RAMP1: variants seen among roughly 807,000 people sequenced by gnomAD.
RAMP1 encodes the protein receptor activity-modifying protein 1.
A neutral mutation model predicts 8.2 loss-of-function variants in RAMP1; 7 were observed. The ratio of observed to expected loss-of-function variants is 0.85; its 90% CI spans 0.49 to 1.60. RAMP1 has a LOEUF of 1.60. Ranked by LOEUF, RAMP1 falls within the 40% of genes most tolerant of loss-of-function variation. The pLI is 0.00. For missense variants in RAMP1, 192 were observed against 202.4 expected, an observed-to-expected ratio of 0.95 and a Z score of 0.31; for synonymous variants, 92 against 84.7, an observed-to-expected ratio of 1.09 and a Z score of -0.47.
rs566130488 is a variant in RAMP1 at position 237,907,017 on chromosome 2, C to G, written c.192-4511C>G. On this transcript the variant is annotated intron_variant, in intron 2 of 2. Coordinates refer to ENST00000254661, the MANE Select transcript of RAMP1 (RefSeq NM_005855.4). ...GAATCACAGGTGTGAGCCAATGTGC[C>G]CAGCCTCAACCTCATTTTCAAAAGG... is the stretch of plus-strand genomic sequence containing the variant. Among the ~76,000 whole-genome samples the G allele has an allele frequency of 9.2e-5, 14 of 152,246 alleles. No homozygotes were observed. In the South Asian group the frequency reaches 2.5e-3, roughly 27 times the overall value.
rs555254768 is a variant in RAMP1 at position 237,875,683 on chromosome 2, C to G, written c.53-1541C>G. 8.6e-4 allele frequency among the ~76,000 whole-genome samples: 131 copies of G among 152,314 alleles called. No homozygotes were observed. The East Asian group carries it at 0.021, about 25-fold the overall frequency. On this transcript the variant is annotated intron_variant, in intron 1 of 2. Coordinates refer to ENST00000254661, the MANE Select transcript of RAMP1 (RefSeq NM_005855.4). ...CTGGCTCTTTGGGACCCACTCATGG[C>G]CTCAGCCCCGTGCAGGGCTCAGCCT...
intron 1 of RAMP1, among the ~76,000 whole-genome samples, chr2:237,869,302 A>G (rs567557182): frequency 6.6e-6 from 1 of 152,320 alleles, no homozygotes; most frequent in South Asian, 2.1e-4. Flanking sequence ...CATAAAATGT[A>G]CCATCTTACC....
chr2:237,872,204 C>T (rs1345784450), intron 1 of RAMP1, among the ~76,000 whole-genome samples: 2 of 152,198 alleles, frequency 1.3e-5, no homozygotes, highest in Non-Finnish European at 2.9e-5. Context: ...GGGCCTGGCA[C>T]GGGGAGGAGA....
chr2:237,871,122 G>A (rs942366362), intron 1 of RAMP1, among the ~76,000 whole-genome samples: 9 of 152,148 alleles, frequency 5.9e-5, no homozygotes, highest in African/African-American at 9.7e-5. Flanking sequence ...TCTCGCAACC[G>A]CCCCTGCACT....
rs1436164584 is a variant in RAMP1 at position 237,865,539 on chromosome 2, T to A, written c.52+5812T>A. Among the ~76,000 whole-genome samples, 1 of 152,162 alleles carries A rather than the reference T, an allele frequency of 6.6e-6. No homozygotes were observed. The highest frequency in any genetic ancestry group is 1.5e-5 in the Non-Finnish European group (1 of 68,020). On this transcript the variant is annotated intron_variant, in intron 1 of 2. Coordinates refer to ENST00000254661, the MANE Select transcript of RAMP1 (RefSeq NM_005855.4). This position sits in a 1 kb window ranked among gnomAD's most constrained non-coding sequence, Gnocchi z 4.2. ...GATGCAGATTTCGCAGGGCCTCCTG[T>A]CATTTGCTGCACCTGGCAGCCCCGT...
At chr2:237,909,944 C>A (rs2062693024) in intron 2 of RAMP1, among the ~76,000 whole-genome samples, 1 of 152,118 alleles carries the variant, frequency 6.6e-6, no homozygotes, top group Admixed American at 6.5e-5. Context: ...GGCTTCTCTC[C>A]AAGCCAAGCC....
intron 1 of RAMP1, among the ~76,000 whole-genome samples, chr2:237,870,410 G>A (rs372514567): frequency 6.6e-6 from 1 of 152,232 alleles, no homozygotes. Context: ...CATGCGGCGC[G>A]CTGGTGCTGC....
intron 1 of RAMP1, among the ~76,000 whole-genome samples, chr2:237,873,366 G>A (rs529671999): frequency 5.9e-5 from 9 of 152,326 alleles, no homozygotes; most frequent in African/African-American, 2.2e-4. Context: ...TGTCTCCTTA[G>A]AAAGCCCAAA....
At chr2:237,889,482 C>T (rs2062467849) in intron 2 of RAMP1, among the ~76,000 whole-genome samples, 1 of 152,182 alleles carries the variant, frequency 6.6e-6, no homozygotes, top group African/African-American at 2.4e-5. Flanking sequence ...TTCCTATGTG[C>T]ATTAGAGTCT....
intron 2 of RAMP1, among the ~76,000 whole-genome samples, chr2:237,884,917 C>T (rs1325730089): frequency 1.3e-5 from 2 of 152,342 alleles, no homozygotes; most frequent in African/African-American, 2.4e-5. Flanking sequence ...GCTCCAGGCC[C>T]CAGGGAGTGG....
At chr2:237,910,309 TCACA>T (rs1363877019) in intron 2 of RAMP1, among the ~76,000 whole-genome samples, 1 of 145,872 alleles carries the variant, frequency 6.9e-6, no homozygotes, top group Non-Finnish European at 1.5e-5. Context: ...CAAGTTACGC[TCACA>T]CACAGGGACA....
chr2:237,909,878 C>T (rs189076930), intron 2 of RAMP1, among the ~76,000 whole-genome samples: 12 of 152,190 alleles, frequency 7.9e-5, no homozygotes, highest in African/African-American at 2.2e-4. Context: ...TGGGAATGAG[C>T]TCACCCGCTG....
chr2:237,895,903 G>C (rs938679952), intron 2 of RAMP1, among the ~76,000 whole-genome samples: 1 of 152,168 alleles, frequency 6.6e-6, no homozygotes, highest in Non-Finnish European at 1.5e-5. Context: ...GTCCCCGTGA[G>C]GTGGGAACCC....
intron 2 of RAMP1, among the ~76,000 whole-genome samples, chr2:237,897,325 G>A (rs191650223): frequency 5.7e-4 from 87 of 152,340 alleles, no homozygotes; most frequent in African/African-American, 1.9e-3. Context: ...AGGTGGTCCC[G>A]TGTCTGCCTT....
At chr2:237,879,191 C>T (rs2062339845) in intron 2 of RAMP1, among the ~76,000 whole-genome samples, 1 of 152,110 alleles carries the variant, frequency 6.6e-6, no homozygotes, top group South Asian at 2.1e-4. Context: ...CAATGGGGGG[C>T]CCCTGGAGAA....
intron 2 of RAMP1, among the ~76,000 whole-genome samples, chr2:237,880,177 G>T (rs2062353573): frequency 6.6e-6 from 1 of 151,228 alleles, no homozygotes; most frequent in South Asian, 2.1e-4. Flanking sequence ...CGGCAAAGGG[G>T]ATAAAGTCAC....
rs1024998333 is a variant in RAMP1 at position 237,906,193 on chromosome 2, C to T, written c.192-5335C>T. ...CCGTCACGACTTCATGTGGCTTTTTCCACTTCTGTTTTCTTCTTGAAACAT... is the reference window on the plus strand; with the variant it reads ...CCGTCACGACTTCATGTGGCTTTTTTCACTTCTGTTTTCTTCTTGAAACAT... On this transcript the variant is annotated intron_variant, in intron 2 of 2. Transcript: ENST00000254661. 7.2e-5 allele frequency among the ~76,000 whole-genome samples: 11 copies of T among 152,222 alleles called. No individual in the cohort carries two copies. The South Asian group carries it at 2.3e-3, about 32-fold the overall frequency.
chr2:237,902,311 GGGA>G (rs1025625461), intron 2 of RAMP1, among the ~76,000 whole-genome samples: 3 of 147,328 alleles, frequency 2.0e-5, no homozygotes, highest in Admixed American at 6.7e-5. Flanking sequence ...AGGAGGGGCT[GGGA>G]GGAGGAGGGA....
At chr2:237,902,295 A>AGGAGGAGGAGGGGCTG (rs1163231152) in intron 2 of RAMP1, among the ~76,000 whole-genome samples, 1 of 73,608 alleles carries the variant, frequency 1.4e-5, no homozygotes, top group Non-Finnish European at 2.7e-5. Context: ...AGGGATCGGG[A>AGGAGGAGGAGGGGCTG]GGAGGAGGAG....
Sources: gnomAD v4.1 joint callset for allele counts (sites outside exome capture counted in the v4.1 genomes callset) on GRCh38, gnomAD v4.1.1 for gene constraint, Gnocchi (gnomAD v3.1) non-coding constraint, MANE v1.5 for transcripts, NCBI Gene and HGNC (gene_info 2026-07-23, HGNC 2026-07-21) for gene names.